The following PPP1R37 variants were observed in gnomAD, a reference collection of about 807,000 sequenced individuals.
PPP1R37 encodes leucine rich repeat containing 68.
A neutral mutation model predicts 61.0 loss-of-function variants in PPP1R37; 21 were observed. That is an observed-to-expected ratio of 0.34 (90% confidence interval 0.24 to 0.50). PPP1R37 has a LOEUF of 0.50. Among genes scored for constraint, PPP1R37 ranks in the 20% least tolerant of loss-of-function variants. The probability of loss-of-function intolerance (pLI) is 0.98; values close to 1 mark genes in which losing one functional copy is unlikely to be tolerated. For missense variants in PPP1R37, 910 were observed against 952.7 expected (o/e 0.96, Z 0.59); for synonymous variants, 443 against 433.5 (o/e 1.02, Z -0.27).
intron 1 of PPP1R37, among the ~76,000 whole-genome samples, chr19:45,131,743 T>C (rs559720283): frequency 7.5e-4 from 114 of 152,262 alleles, no homozygotes; most frequent in South Asian, 1.2e-3. Flanking sequence ...AGAAAGTGCT[T>C]ATTAGCACTA....
At chr19:45,127,188 A>G (rs1376261833) in intron 1 of PPP1R37, among the ~76,000 whole-genome samples, 3 of 152,016 alleles carry the variant, frequency 2.0e-5, no homozygotes, top group Non-Finnish European at 2.9e-5. Context: ...CATCTCTATT[A>G]AAAATACAAA....
rs539681241 is a variant in PPP1R37 at position 45,112,709 on chromosome 19, G to A, written c.202+19182G>A. Among the ~76,000 whole-genome samples, 116 of 152,336 alleles carry A rather than the reference G, an allele frequency of 7.6e-4. 1 individual carries two copies. The highest frequency in any genetic ancestry group is 1.3e-3 in the Non-Finnish European group (90 of 68,032). ...ACCTACTCTGGCTTGTCACTGTCTA[G>A]GGATGGGTCTGCCTTCCCGACTGGA... On this transcript the variant is annotated intron_variant, in intron 1 of 12. Transcript: ENST00000221462.
intron 1 of PPP1R37, among the ~76,000 whole-genome samples, chr19:45,095,992 A>G (rs1967988459): frequency 6.6e-6 from 1 of 151,858 alleles, no homozygotes; most frequent in Admixed American, 6.6e-5. Flanking sequence ...TGGTTACCTA[A>G]CTCCTGAGCC....
chr19:45,141,678 C>T (rs10422671), intron 5 of PPP1R37, among the ~76,000 whole-genome samples: 5,205 of 152,278 alleles, frequency 0.034, 293 homozygotes, highest in African/African-American at 0.12. Flanking sequence ...TTCTCCCTTC[C>T]GTAATGTCAT....
chr19:45,132,731 A>G (rs919596961), intron 1 of PPP1R37, among the ~76,000 whole-genome samples: 1 of 151,194 alleles, frequency 6.6e-6, no homozygotes, highest in East Asian at 2.0e-4. Context: ...ACCATGCCCA[A>G]CTGATTTTTT....
chr19:45,135,067 G>T (rs1968521796), intron 1 of PPP1R37, among the ~76,000 whole-genome samples: 1 of 152,186 alleles, frequency 6.6e-6, no homozygotes, highest in Non-Finnish European at 1.5e-5. Flanking sequence ...GACCAACGTG[G>T]TGAAACCCCA....
At chr19:45,109,568 G>GA (rs1968173979) in intron 1 of PPP1R37, among the ~76,000 whole-genome samples, 1 of 152,330 alleles carries the variant, frequency 6.6e-6, no homozygotes, top group African/African-American at 2.4e-5. Flanking sequence ...TTGCAGATAA[G>GA]AAACTGCTAC....
intron 4 of PPP1R37, 55 bp from the exon 5 acceptor site, chr19:45,141,267 C>T: frequency 6.7e-7 from 1 of 1,490,610 alleles, no homozygotes; most frequent in Non-Finnish European, 8.9e-7. Flanking sequence ...GGGCCCACGC[C>T]TCTCCTCCAG....
chr19:45,146,521 G>T (rs1038700103), intron 12 of PPP1R37, 41 bp downstream of exon 12: 1 of 1,400,098 alleles, frequency 7.1e-7, no homozygotes, highest in African/African-American at 1.4e-5. Context: ...GGGAGGAGCT[G>T]AGAGAGCCTC....
chr19:45,122,250 C>T (rs771207600), intron 1 of PPP1R37, among the ~76,000 whole-genome samples: 5 of 152,172 alleles, frequency 3.3e-5, no homozygotes, highest in Non-Finnish European at 5.9e-5. Context: ...CACGTGCACA[C>T]CTTCGCTGCC....
At chr19:45,142,603 G>T (rs901358119) in intron 7 of PPP1R37, 145 bp downstream of exon 7, 4 of 829,474 alleles carry the variant, frequency 4.8e-6, no homozygotes, top group South Asian at 3.6e-5. Context: ...AGACAGACCC[G>T]CCCTAGACAG....
chr19:45,102,868 A>T (rs781736183), intron 1 of PPP1R37, among the ~76,000 whole-genome samples: 1 of 152,240 alleles, frequency 6.6e-6, no homozygotes. Flanking sequence ...CAGCACCTCC[A>T]GGGCTGAGCC....
intron 1 of PPP1R37, among the ~76,000 whole-genome samples, chr19:45,111,232 A>C (rs1599694164): frequency 6.6e-6 from 1 of 150,702 alleles, no homozygotes. Context: ...CTGTTGCAAC[A>C]CTCTTCTCCC....
Position 45,140,258 on chromosome 19 carries a change from G to A in PPP1R37, c.323G>A (p.Arg108His), listed in dbSNP as rs1968593185. 5 of 1,535,928 alleles carry A rather than the reference G, an allele frequency of 3.3e-6. No homozygotes were observed. The highest frequency in any genetic ancestry group is 3.5e-6 in the Non-Finnish European group (4 of 1,146,844). The change falls in exon 3 of 13, where the codon CGC (arginine) becomes CAC (histidine). Residue 108 changes from arginine (R) to histidine (H), a missense_variant. Physicochemically the swap from Arg to His is conservative, Grantham distance 29. Around this residue, in one of 3 missense-constraint regions of PPP1R37, gnomAD observed 280 missense variants for 382.2 expected, o/e 0.73. Coordinates refer to ENST00000221462, the MANE Select transcript of PPP1R37 (RefSeq NM_019121.2). The stretch of plus-strand genomic sequence containing the variant: ...CAGGAATTCACAGACCTCGGGCACC[G>A]CCTCGACTGTCTGGACCTGAAAGGT... ...QLQEFTDLGH[R>H]LDCLDLKGEK...
rs1056992573 is a variant in PPP1R37 at position 45,130,553 on chromosome 19, C to T, written c.203-7961C>T. 5.3e-5 allele frequency among the ~76,000 whole-genome samples: 8 copies of T among 152,194 alleles called. No individual in the cohort carries two copies. Among genetic ancestry groups the T allele is most frequent in the African/African-American group, 1.9e-4 (8 of 41,444 alleles). ...TCCTGAATGAAGACCCAGACCTGAG[C>T]CCGGTGGGGCCTCTGGGAACACTCC... On this transcript the variant is annotated intron_variant, in intron 1 of 12. Transcript: ENST00000221462. This position sits in a 1 kb window ranked among gnomAD's most constrained non-coding sequence, Gnocchi z 4.4.
At chr19:45,142,838 CG>C (rs1968631872) in intron 7 of PPP1R37, 1 of 221,830 alleles carries the variant, frequency 4.5e-6, no homozygotes, top group Non-Finnish European at 9.0e-6. Flanking sequence ...CACCGTGGGG[CG>C]GGGCCTCTGG....
At chr19:45,107,753 G>A (rs1280309492) in intron 1 of PPP1R37, among the ~76,000 whole-genome samples, 2 of 152,102 alleles carry the variant, frequency 1.3e-5, no homozygotes, top group African/African-American at 2.4e-5. Context: ...TTTCCTTCCC[G>A]TCTCTTCTCT....
In PPP1R37 at chr19:45,145,553, C is replaced by T. The variant is rs954805038; in HGVS notation, c.1497C>T (p.Pro499=). Residue 499 remains proline, a synonymous_variant, in exon 11 of 13, where the codon CCC becomes CCT. Coordinates refer to ENST00000221462, the MANE Select transcript of PPP1R37 (RefSeq NM_019121.2). ...AAGVQNGAPS[P]APSPDSDSDS... ...GGGTGCAGAACGGGGCCCCCAGCCC[C>T]GCACCCAGCCCGGACTCAGACTCAG... 2.9e-5 allele frequency: 45 copies of T among 1,534,782 alleles called. No homozygotes were observed. Among genetic ancestry groups the T allele is most frequent in the Admixed American group, 1.6e-4 (8 of 50,922 alleles).
In PPP1R37 at chr19:45,130,680, A is replaced by G. The variant is rs1031505814; in HGVS notation, c.203-7834A>G. Among the ~76,000 whole-genome samples the G allele has an allele frequency of 6.6e-6, 1 of 152,170 alleles. No individual in the cohort carries two copies. The highest frequency in any genetic ancestry group is 1.5e-5 in the Non-Finnish European group (1 of 68,014). ...TTATTCTGAGCCTGGTTGCCATCAC[A>G]GTCATATGGGGACCTGTTAAAATCT... On this transcript the variant is annotated intron_variant, in intron 1 of 12. Coordinates refer to ENST00000221462, the MANE Select transcript of PPP1R37 (RefSeq NM_019121.2). This position sits in a 1 kb window ranked among gnomAD's most constrained non-coding sequence, Gnocchi z 4.4.
Sources: gnomAD v4.1 joint callset for allele counts (sites outside exome capture counted in the v4.1 genomes callset) on GRCh38, gnomAD v4.1.1 for gene constraint, gnomAD v4.1.1 regional missense constraint, Gnocchi (gnomAD v3.1) non-coding constraint, MANE v1.5 for transcripts, NCBI Gene and HGNC (gene_info 2026-07-23, HGNC 2026-07-21) for gene names.